Variants in FAM163A observed in about 807,000 individuals in gnomAD.
FAM163A encodes family with sequence similarity 163 member A, also known as protein FAM163A.
FAM163A carries 7 observed loss-of-function variants against 12.0 expected under a neutral mutation model. That is an observed-to-expected ratio of 0.58 (90% CI 0.33 to 1.10). FAM163A has a LOEUF of 1.10. Ranked by LOEUF, FAM163A falls within the 50% of genes least tolerant of loss-of-function variation. The probability of loss-of-function intolerance (pLI) is 0.03; values close to 1 mark genes in which losing one functional copy is unlikely to be tolerated. For missense variants in FAM163A, 202 were observed against 218.6 expected, an observed-to-expected ratio of 0.92 and a Z score of 0.48; for synonymous variants, 101 against 91.0, an observed-to-expected ratio of 1.11 and a Z score of -0.62.
At chr1:179,797,448 G>A (rs1370536723) in intron 1 of FAM163A, among the ~76,000 whole-genome samples, 2 of 151,906 alleles carry the variant, frequency 1.3e-5, no homozygotes, top group Non-Finnish European at 2.9e-5. Flanking sequence ...GAAAAACTCT[G>A]TCTCAAAAAA....
chr1:179,747,084 C>T (rs1348885074), intron 1 of FAM163A, among the ~76,000 whole-genome samples: 1 of 149,740 alleles, frequency 6.7e-6, no homozygotes, highest in Non-Finnish European at 1.5e-5. Flanking sequence ...TGTGACTGGA[C>T]ATCAGAAAGG....
chr1:179,787,659 C>T lies in FAM163A; in HGVS notation c.-135-20139C>T, dbSNP rs140733028. Among the ~76,000 whole-genome samples, 907 of 152,298 alleles carry T rather than the reference C, an allele frequency of 6.0e-3. 11 individuals carry two copies. Among genetic ancestry groups the T allele is most frequent in the African/African-American group, 0.021 (866 of 41,560 alleles). On this transcript the variant is annotated intron_variant, in intron 1 of 4. Coordinates refer to ENST00000341785, the MANE Select transcript of FAM163A (RefSeq NM_173509.3). ...TCTACAGCTCCCCCAAAGTGCCAGC[C>T]TTTCTCCTGTCCAGGAGCAGGGGCG...
At chr1:179,800,087 T>A (rs1056978071) in intron 1 of FAM163A, among the ~76,000 whole-genome samples, 1 of 152,206 alleles carries the variant, frequency 6.6e-6, no homozygotes, top group African/African-American at 2.4e-5. Context: ...ATTGAGCATC[T>A]ACTATGTTCT....
At chr1:179,793,251 T>C (rs965383010) in intron 1 of FAM163A, among the ~76,000 whole-genome samples, 2 of 152,210 alleles carry the variant, frequency 1.3e-5, no homozygotes, top group Non-Finnish European at 2.9e-5. Context: ...CCCTTCTCTG[T>C]GTGTCCCAGT....
chr1:179,750,947 G>T (rs1269689003), intron 1 of FAM163A, among the ~76,000 whole-genome samples: 1 of 152,100 alleles, frequency 6.6e-6, no homozygotes, highest in Non-Finnish European at 1.5e-5. Context: ...TGTGAGAGTT[G>T]GGAGAGAAGG....
At chr1:179,771,223 G>A (rs1031829229) in intron 1 of FAM163A, among the ~76,000 whole-genome samples, 15 of 152,134 alleles carry the variant, frequency 9.9e-5, no homozygotes, top group African/African-American at 3.4e-4. Context: ...CCCAGTGGAG[G>A]TTCCAAGACA....
chr1:179,763,880 G>T (rs776915823), intron 1 of FAM163A, among the ~76,000 whole-genome samples: 3 of 152,128 alleles, frequency 2.0e-5, no homozygotes, highest in Admixed American at 2.0e-4. Flanking sequence ...GACTTAGCTG[G>T]GTGTGTGGAG....
rs79401436 is a variant in FAM163A at position 179,786,714 on chromosome 1, A to G, written c.-135-21084A>G. ...CAGAGAGATTGAATAACTTTCTCAAAGTCTCAAGGAAAACCAGGATTTAAA... is the reference window on the plus strand; with the variant it reads ...CAGAGAGATTGAATAACTTTCTCAAGGTCTCAAGGAAAACCAGGATTTAAA... On this transcript the variant is annotated intron_variant, in intron 1 of 4. Transcript: ENST00000341785. 1.2e-4 allele frequency among the ~76,000 whole-genome samples: 19 copies of G among 152,344 alleles called. No individual in the cohort carries two copies. The East Asian group carries it at 3.7e-3, about 29-fold the overall frequency.
At chr1:179,773,118 C>T (rs1286476440) in intron 1 of FAM163A, among the ~76,000 whole-genome samples, 2 of 151,212 alleles carry the variant, frequency 1.3e-5, no homozygotes, top group African/African-American at 4.9e-5. Flanking sequence ...CAAAATTTTA[C>T]ATATAGCACT....
chr1:179,762,001 A>ACCCCC (rs1351392881), intron 1 of FAM163A, among the ~76,000 whole-genome samples: 1 of 151,724 alleles, frequency 6.6e-6, no homozygotes, highest in Non-Finnish European at 1.5e-5. Flanking sequence ...TGCACTGAAC[A>ACCCCC]CCCCCCACTC....
intron 1 of FAM163A, among the ~76,000 whole-genome samples, chr1:179,775,988 G>T (rs1688912240): frequency 6.6e-6 from 1 of 152,150 alleles, no homozygotes; most frequent in African/African-American, 2.4e-5. Context: ...AAGCCTGAAT[G>T]AATTGATCAG....
chr1:179,769,804 G>T lies in FAM163A; in HGVS notation c.-136+26381G>T, dbSNP rs192015179. Among the ~76,000 whole-genome samples the T allele has an allele frequency of 9.0e-4, 137 of 151,706 alleles. 2 individuals carry two copies. The highest frequency in any genetic ancestry group is 3.0e-3 in the African/African-American group (125 of 41,344). On this transcript the variant is annotated intron_variant, in intron 1 of 4. Coordinates refer to ENST00000341785, the MANE Select transcript of FAM163A (RefSeq NM_173509.3). Reference sequence around the variant, plus strand: ...CACCAGAGGCAATTGGCAGTCACCAGCTTTCTTACTTATAAACAGTTTGGC... The same window carrying T: ...CACCAGAGGCAATTGGCAGTCACCATCTTTCTTACTTATAAACAGTTTGGC...
chr1:179,773,248 C>T (rs1297438240), intron 1 of FAM163A, among the ~76,000 whole-genome samples: 3 of 151,808 alleles, frequency 2.0e-5, no homozygotes, highest in Non-Finnish European at 4.4e-5. Context: ...AGGATAGCAC[C>T]AGGGATCCTT....
At chr1:179,741,262 A>T (rs1243236983), upstream of FAM163A, among the ~76,000 whole-genome samples, 2 of 152,254 alleles carry the variant, frequency 1.3e-5, no homozygotes, top group East Asian at 3.8e-4. Context: ...CAGACTGGCA[A>T]AACATAAGAA....
chr1:179,770,009 C>G (rs895902147), intron 1 of FAM163A, among the ~76,000 whole-genome samples: 1 of 150,184 alleles, frequency 6.7e-6, no homozygotes, highest in Non-Finnish European at 1.5e-5. Flanking sequence ...AGGTTCACAC[C>G]GTTCTCCTGC....
At chr1:179,732,508 T>G in the FAM163A span, among the ~76,000 whole-genome samples, 3 of 152,146 alleles carry the variant, frequency 2.0e-5, no homozygotes, top group African/African-American at 7.2e-5. Flanking sequence ...AGCACATTGT[T>G]TTTTAATGAG....
chr1:179,761,856 G>A (rs1020561157), intron 1 of FAM163A, among the ~76,000 whole-genome samples: 2 of 152,012 alleles, frequency 1.3e-5, no homozygotes, highest in South Asian at 4.2e-4. Flanking sequence ...ATTGAGTATA[G>A]CTCTAAACAC....
chr1:179,749,895 G>T (rs1685031647), intron 1 of FAM163A, among the ~76,000 whole-genome samples: 1 of 152,192 alleles, frequency 6.6e-6, no homozygotes, highest in African/African-American at 2.4e-5. Flanking sequence ...ATACAATTTT[G>T]AGTTAAATCG....
intron 1 of FAM163A, among the ~76,000 whole-genome samples, chr1:179,798,061 C>T (rs1398462590): frequency 6.6e-6 from 1 of 152,060 alleles, no homozygotes; most frequent in Non-Finnish European, 1.5e-5. Context: ...GAAACTCCGT[C>T]TCTACTAAAA....
Sources: gnomAD v4.1 joint callset for allele counts (sites outside exome capture counted in the v4.1 genomes callset) on GRCh38, gnomAD v4.1.1 for gene constraint, MANE v1.5 for transcripts, NCBI Gene and HGNC (gene_info 2026-07-23, HGNC 2026-07-21) for gene names.